The following PLA2G5 variants were observed in gnomAD, a reference collection of about 807,000 sequenced individuals.
PLA2G5 encodes the protein Ca2+-dependent phospholipase A2.
Under a neutral mutation model 15.9 loss-of-function variants are expected in PLA2G5, and 12 were observed. That is an observed-to-expected ratio of 0.76 (90% confidence interval 0.48 to 1.23). The LOEUF is 1.23. PLA2G5 is among the 50% of genes most tolerant of loss of function. PLA2G5 has a pLI of 0.00. For missense variants in PLA2G5, 169 were observed against 177.1 expected (o/e 0.95, Z 0.26); for synonymous variants, 71 against 71.4 (o/e 0.99, Z 0.03).
intron 2 of PLA2G5, among the ~76,000 whole-genome samples, chr1:20,061,258 A>C (rs2014712210): frequency 6.6e-6 from 1 of 151,604 alleles, no homozygotes; most frequent in Admixed American, 6.6e-5. Flanking sequence ...CATCCACACC[A>C]CCCTGGCCTG....
At chr1:20,084,234 A>G (rs2016174788) in intron 1 of PLA2G5, among the ~76,000 whole-genome samples, 1 of 152,138 alleles carries the variant, frequency 6.6e-6, no homozygotes, top group Admixed American at 6.5e-5. Flanking sequence ...CACTATTCTC[A>G]GTGGTAGAAT....
chr1:20,061,586 C>T (rs1392165684), intron 2 of PLA2G5, among the ~76,000 whole-genome samples: 2 of 67,754 alleles, frequency 3.0e-5, no homozygotes, highest in Non-Finnish European at 5.7e-5. Context: ...ACCCTGTCTC[C>T]AAAAAAAAAA....
intron 1 of PLA2G5, among the ~76,000 whole-genome samples, chr1:20,074,852 C>T (rs11573210): frequency 0.014 from 2,078 of 152,316 alleles, 43 homozygotes; most frequent in African/African-American, 0.047. Flanking sequence ...CCCCACAGCC[C>T]TTCAGAGATT....
At chr1:20,068,780 A>C (rs1392399435), upstream of PLA2G5, 9 of 368,284 alleles carry the variant, frequency 2.4e-5, no homozygotes, top group Non-Finnish European at 3.9e-5. Flanking sequence ...AAATGCCATA[A>C]ATAAAAGACA....
intron 4 of PLA2G5, 45 bp downstream of exon 4, chr1:20,089,940 CTT>C (rs758536554): frequency 4.0e-5 from 56 of 1,404,270 alleles, no homozygotes; most frequent in Non-Finnish European, 5.4e-5. Flanking sequence ...GAGCACCTGA[CTT>C]TAAGTTCAGC....
chr1:20,043,733 G>T (rs1469959583), intron 1 of PLA2G5, among the ~76,000 whole-genome samples: 2 of 152,178 alleles, frequency 1.3e-5, no homozygotes, highest in Admixed American at 6.5e-5. Flanking sequence ...GCACAAGAGT[G>T]GGGGAGTTTT....
chr1:20,084,497 A>G (rs1050368123), intron 1 of PLA2G5, among the ~76,000 whole-genome samples: 37 of 152,120 alleles, frequency 2.4e-4, no homozygotes, highest in Non-Finnish European at 2.1e-4. Flanking sequence ...CCAAATCTCC[A>G]TTTAAGAATC....
At chr1:20,082,555 C>T (rs970653781) in intron 1 of PLA2G5, among the ~76,000 whole-genome samples, 1 of 151,908 alleles carries the variant, frequency 6.6e-6, no homozygotes, top group East Asian at 1.9e-4. Flanking sequence ...GACTACCTTT[C>T]CCTGGTGCTG....
chr1:20,054,569 T>C (rs2014343295), intron 1 of PLA2G5, among the ~76,000 whole-genome samples: 1 of 151,904 alleles, frequency 6.6e-6, no homozygotes, highest in Non-Finnish European at 1.5e-5. Flanking sequence ...TTTTTCAAAA[T>C]ATGTTTAATG....
intron 1 of PLA2G5, among the ~76,000 whole-genome samples, chr1:20,040,076 A>G (rs1259664459): frequency 6.6e-6 from 1 of 150,754 alleles, no homozygotes. Flanking sequence ...CAAGAATATC[A>G]TTAAACAAAC....
At chr1:20,058,178 T>C (rs1038646994) in intron 1 of PLA2G5, among the ~76,000 whole-genome samples, 1 of 152,220 alleles carries the variant, frequency 6.6e-6, no homozygotes, top group Non-Finnish European at 1.5e-5. Flanking sequence ...ACTATGTCCT[T>C]ACTGACTTTC....
chr1:20,038,066 T>C (rs1360223778), intron 1 of PLA2G5, among the ~76,000 whole-genome samples: 2 of 152,138 alleles, frequency 1.3e-5, no homozygotes, highest in Non-Finnish European at 2.9e-5. Context: ...CCAGTTCCCA[T>C]GCAGCCAGCA....
chr1:20,072,629 C>A (rs1235845009), intron 1 of PLA2G5, among the ~76,000 whole-genome samples: 1 of 152,098 alleles, frequency 6.6e-6, no homozygotes, highest in Non-Finnish European at 1.5e-5. Context: ...CCAAGCTGTG[C>A]GAGGCCATGT....
chr1:20,089,943 T>A, intron 4 of PLA2G5, 48 bp downstream of exon 4: 2 of 1,342,740 alleles, frequency 1.5e-6, no homozygotes, highest in Non-Finnish European at 2.1e-6. Flanking sequence ...CACCTGACTT[T>A]AAGTTCAGCT....
At chr1:20,090,002 G>A in intron 4 of PLA2G5, 107 bp downstream of exon 4, 4 of 755,234 alleles carry the variant, frequency 5.3e-6, no homozygotes, top group Non-Finnish European at 8.9e-6. Context: ...GAGGAGTTGG[G>A]TGCAGAACTG....
Position 20,048,316 on chromosome 1 carries a change from A to G in PLA2G5, n.277-11316A>G, listed in dbSNP as rs181316810. Among the ~76,000 whole-genome samples, 428 of 152,264 alleles carry G rather than the reference A, an allele frequency of 2.8e-3. 3 individuals are homozygous for G. The highest frequency in any genetic ancestry group is 8.9e-3 in the African/African-American group (370 of 41,570). ...AATGTCTTAAGAATTTCCAGCATAC[A>G]TTTTTGTTTGTGCTTATGAATCAAG... On this transcript the variant is annotated intron_variant and non_coding_transcript_variant, in intron 1 of 6. Transcript: ENST00000460175.
chr1:20,037,205 G>T (rs1315491690), intron 1 of PLA2G5, among the ~76,000 whole-genome samples: 1 of 152,170 alleles, frequency 6.6e-6, no homozygotes, highest in Non-Finnish European at 1.5e-5. Flanking sequence ...AAAGATCTGG[G>T]GTTCAAGCGT....
intron 1 of PLA2G5, among the ~76,000 whole-genome samples, chr1:20,051,990 T>A (rs1177867184): frequency 6.6e-6 from 1 of 152,160 alleles, no homozygotes; most frequent in African/African-American, 2.4e-5. Context: ...CAAAGTTCCA[T>A]CAAAGCCAAT....
chr1:20,031,665 G>A (rs954451435), intron 1 of PLA2G5, among the ~76,000 whole-genome samples: 13 of 151,004 alleles, frequency 8.6e-5, no homozygotes, highest in Non-Finnish European at 1.3e-4. Flanking sequence ...ATTTTGGGGT[G>A]GGGGGTGTGG....
Sources: gnomAD v4.1 joint callset for allele counts (sites outside exome capture counted in the v4.1 genomes callset) on GRCh38, gnomAD v4.1.1 for gene constraint, MANE v1.5 for transcripts, NCBI Gene and HGNC (gene_info 2026-07-23, HGNC 2026-07-21) for gene names.